Variants in NRXN3 observed in about 807,000 individuals in gnomAD.
The protein encoded by NRXN3 is neurexin 3.
A neutral mutation model predicts 137.6 loss-of-function variants in NRXN3; 32 were observed. The observed-to-expected ratio is 0.23, with a 90% confidence interval of 0.18 to 0.31. NRXN3 has a LOEUF of 0.31. Among genes scored for constraint, NRXN3 ranks in the 10% least tolerant of loss-of-function variants. The pLI is 1.00. For synonymous variants in NRXN3, 798 were observed against 784.5 expected (o/e 1.02, Z -0.29); for missense variants, 1,574 against 2,062.5 (o/e 0.76, Z 4.59).
At chr14:79,860,981 T>C (rs2099412903) in intron 20 of NRXN3, 1 of 1,040,122 alleles carries the variant, frequency 9.6e-7, no homozygotes, top group African/African-American at 1.6e-5. Context: ...ATGACGTTGG[T>C]TGAGTGAGAG....
chr14:79,316,525 G>A (rs572962421), intron 15 of NRXN3, among the ~76,000 whole-genome samples: 2 of 152,168 alleles, frequency 1.3e-5, no homozygotes, highest in Non-Finnish European at 2.9e-5. Flanking sequence ...CCGGATGATC[G>A]GTGGTAAGGG....
At chr14:78,946,062 A>T (rs2099364532) in intron 10 of NRXN3, among the ~76,000 whole-genome samples, 1 of 152,238 alleles carries the variant, frequency 6.6e-6, no homozygotes, top group Non-Finnish European at 1.5e-5. Context: ...GACAGCAAAT[A>T]TTGTCAAAAA....
intron 8 of NRXN3, among the ~76,000 whole-genome samples, chr14:78,763,331 T>C (rs1370294699): frequency 6.6e-6 from 1 of 152,004 alleles, no homozygotes; most frequent in Non-Finnish European, 1.5e-5. Flanking sequence ...GTAATTGCAT[T>C]GCCTTTCTGA....
intron 3 of NRXN3, among the ~76,000 whole-genome samples, chr14:78,292,419 C>T (rs903276052): frequency 1.3e-5 from 2 of 151,974 alleles, no homozygotes; most frequent in Non-Finnish European, 2.9e-5. Context: ...CTCTATGTAC[C>T]CTGAGAACCT....
intron 8 of NRXN3, among the ~76,000 whole-genome samples, chr14:78,778,679 T>C (rs112444865): frequency 1.3e-3 from 27 of 20,824 alleles, no homozygotes; most frequent in African/African-American, 5.6e-3. Context: ...TCTCTTTTCT[T>C]TTCTTTCTTT....
At chr14:78,676,444 A>T (rs1012311265) in intron 6 of NRXN3, among the ~76,000 whole-genome samples, 5 of 152,180 alleles carry the variant, frequency 3.3e-5, no homozygotes, top group Non-Finnish European at 5.9e-5. Flanking sequence ...CTTAATCCAG[A>T]GCCTAATCCA....
intron 19 of NRXN3, among the ~76,000 whole-genome samples, chr14:79,795,080 A>G (rs566561769): frequency 6.6e-6 from 1 of 152,340 alleles, no homozygotes; most frequent in East Asian, 1.9e-4. Context: ...TACACCTGCT[A>G]CATTTCCAAC....
At chr14:78,866,193 G>C (rs544377858) in intron 10 of NRXN3, among the ~76,000 whole-genome samples, 47 of 152,180 alleles carry the variant, frequency 3.1e-4, no homozygotes, top group Non-Finnish European at 5.7e-4. Flanking sequence ...TGTATACCCA[G>C]AGAAGCATAG....
intron 16 of NRXN3, among the ~76,000 whole-genome samples, chr14:79,641,894 T>A (rs1444972307): frequency 2.2e-5 from 3 of 135,452 alleles, no homozygotes; most frequent in African/African-American, 7.4e-5. Context: ...TCCCTCCTTA[T>A]GCATACTTCC....
chr14:78,701,935 C>A (rs558174634), intron 6 of NRXN3, among the ~76,000 whole-genome samples: 1 of 152,280 alleles, frequency 6.6e-6, no homozygotes, highest in East Asian at 1.9e-4. Flanking sequence ...GGCATCCATG[C>A]GATGCAGCAG....
intron 19 of NRXN3, among the ~76,000 whole-genome samples, chr14:79,711,974 TC>T (rs2098806062): frequency 6.6e-6 from 1 of 152,140 alleles, no homozygotes; most frequent in Middle Eastern, 3.4e-3. Context: ...AATGTTCACC[TC>T]CCCCTTCTGC....
chr14:78,548,411 G>A (rs1027856805), intron 4 of NRXN3, among the ~76,000 whole-genome samples: 6 of 152,092 alleles, frequency 3.9e-5, no homozygotes, highest in African/African-American at 1.2e-4. Context: ...TTCTTAGGAC[G>A]GCCCCACTAG....
chr14:78,670,912 G>T (rs2097927770), intron 6 of NRXN3, among the ~76,000 whole-genome samples: 1 of 152,160 alleles, frequency 6.6e-6, no homozygotes, highest in Non-Finnish European at 1.5e-5. Context: ...TGAGTGGGAA[G>T]TACCTGTGTT....
intron 15 of NRXN3, among the ~76,000 whole-genome samples, chr14:79,193,185 A>G (rs1244686175): frequency 6.6e-6 from 1 of 152,170 alleles, no homozygotes; most frequent in Non-Finnish European, 1.5e-5. Context: ...AAGAATGGTG[A>G]TATTATAGAT....
At chr14:78,250,898 C>T (rs78141033) in intron 2 of NRXN3, among the ~76,000 whole-genome samples, 1,577 of 152,124 alleles carry the variant, frequency 0.01, 34 homozygotes, top group African/African-American at 0.036. Flanking sequence ...GTTCCTGGTG[C>T]AGGAGGTTAT....
At chr14:78,528,594 G>A (rs534218487) in intron 4 of NRXN3, among the ~76,000 whole-genome samples, 1 of 152,122 alleles carries the variant, frequency 6.6e-6, no homozygotes, top group Non-Finnish European at 1.5e-5. Context: ...TTAGTACCTA[G>A]ATTGAGATTT....
intron 15 of NRXN3, among the ~76,000 whole-genome samples, chr14:79,388,119 TA>T (rs1057274659): frequency 1.3e-5 from 2 of 150,514 alleles, no homozygotes; most frequent in East Asian, 1.9e-4. Flanking sequence ...AAAAGTAGGA[TA>T]TTTTTTAAAA....
At chr14:79,059,100 C>A (rs926470144) in intron 15 of NRXN3, among the ~76,000 whole-genome samples, 1 of 152,112 alleles carries the variant, frequency 6.6e-6, no homozygotes. Flanking sequence ...AGGAACCTTA[C>A]CAAGTAGATG....
intron 16 of NRXN3, among the ~76,000 whole-genome samples, chr14:79,498,363 C>T (rs755605683): frequency 1.3e-5 from 2 of 152,142 alleles, no homozygotes; most frequent in Non-Finnish European, 2.9e-5. Flanking sequence ...TTCCTGCTTA[C>T]TCCAGATTGA....
Sources: allele counts gnomAD v4.1 joint callset (sites outside exome capture counted in the v4.1 genomes callset), GRCh38; gene constraint gnomAD v4.1.1; transcripts MANE v1.5; gene names NCBI Gene and HGNC (gene_info 2026-07-23, HGNC 2026-07-21).